BCCIP: variants seen among roughly 807,000 people sequenced by gnomAD.
BCCIP encodes BRCA2 and CDKN1A interacting protein, also known as BRCA2 and CDKN1A-interacting protein.
In BCCIP, 23 loss-of-function variants were observed where a neutral mutation model predicts 32.8. That is an observed-to-expected ratio of 0.70 (90% CI 0.51 to 0.99). The LOEUF (loss-of-function observed/expected upper bound fraction) is 0.99, where lower values mean the gene tolerates loss of function less well. Among genes scored for constraint, BCCIP ranks in the 50% least tolerant of loss-of-function variants. The pLI is 0.00. For missense variants in BCCIP, 378 were observed against 379.8 expected (o/e 1.00, Z 0.04); for synonymous variants, 144 against 137.6 (o/e 1.05, Z -0.33).
chr10:125,823,741 C>T lies in BCCIP; in HGVS notation c.165+19C>T. On this transcript the variant is annotated intron_variant, in intron 1 of 6. Coordinates refer to ENST00000278100, the MANE Select transcript of BCCIP (RefSeq NM_078468.3). Reference sequence around the variant, plus strand: ...TGACGAGGTGAGAAGGACACGCTCCCCTAGTTGGTTTATACCTGAGAAAAA... The same window carrying T: ...TGACGAGGTGAGAAGGACACGCTCCTCTAGTTGGTTTATACCTGAGAAAAA... 1 of 1,613,314 alleles carries T rather than the reference C, an allele frequency of 6.2e-7. No individual in the cohort carries two copies. The highest frequency in any genetic ancestry group is 8.5e-7 in the Non-Finnish European group (1 of 1,179,488).
chr10:125,839,058 G>T, downstream of BCCIP: 1 of 1,614,164 alleles, frequency 6.2e-7, no homozygotes, highest in Non-Finnish European at 8.5e-7. Context: ...TTTCCTTGGA[G>T]CCAAAAGCAG....
downstream of BCCIP, chr10:125,841,060 C>G: frequency 6.5e-7 from 1 of 1,544,216 alleles, no homozygotes. Context: ...GCCTAACATG[C>G]AGAGGGGAGG....
chr10:125,838,316 G>A (rs1355356771), downstream of BCCIP: 1 of 1,613,696 alleles, frequency 6.2e-7, no homozygotes, highest in Non-Finnish European at 8.5e-7. Context: ...AACCAGACAG[G>A]GGATGCAGCT....
chr10:125,843,619 A>T (rs1854939782), downstream of BCCIP, among the ~76,000 whole-genome samples: 1 of 152,132 alleles, frequency 6.6e-6, no homozygotes, highest in Non-Finnish European at 1.5e-5. Flanking sequence ...CTCAAAAAAA[A>T]AAAAACCTAC....
At chr10:125,842,040 A>G (rs978595503) in exon 7 of BCCIP, 3 of 1,350,300 alleles carry the variant, frequency 2.2e-6, no homozygotes, top group Admixed American at 3.3e-5. Context: ...AATGGACAAA[A>G]TATGTGAAAC....
At chr10:125,824,756 C>T (rs1286980783) in intron 1 of BCCIP, among the ~76,000 whole-genome samples, 1 of 84,980 alleles carries the variant, frequency 1.2e-5, no homozygotes, top group African/African-American at 4.1e-5. Context: ...TCTTATAGGT[C>T]TGATCTCAGG....
At chr10:125,833,137 G>GAA (rs1161862135) in intron 5 of BCCIP, among the ~76,000 whole-genome samples, 5 of 111,698 alleles carry the variant, frequency 4.5e-5, no homozygotes, top group African/African-American at 1.3e-4. Context: ...ACGAAAAAAA[G>GAA]AAAAAAAAAA....
rs201945999 is a variant in BCCIP at position 125,823,568 on chromosome 10, G to A, written c.11G>A (p.Arg4Lys). Residue 4 changes from arginine to lysine, a missense_variant, in exon 1 of 7, where the codon AGG becomes AAG. By Grantham distance (26) the Arg-to-Lys change is conservative. Transcript: ENST00000278100. Reference sequence around the variant, plus strand: ...AGTGTGAGCGGCAACATGGCGTCCAGGTCTAAGCGGCGTGCCGTGGAAAGT... The same window carrying A: ...AGTGTGAGCGGCAACATGGCGTCCAAGTCTAAGCGGCGTGCCGTGGAAAGT... MASRSKRRAVESGV... is the reference protein window; with the variant it reads MASKSKRRAVESGV... The A allele has an allele frequency of 6.8e-6, 11 of 1,613,752 alleles. No homozygotes were observed. In the Admixed American group the frequency reaches 1.2e-4, roughly 17 times the overall value.
intron 6 of BCCIP, among the ~76,000 whole-genome samples, chr10:125,835,443 A>ATGTGG (rs1854647988): frequency 6.6e-6 from 1 of 151,278 alleles, no homozygotes; most frequent in East Asian, 2.0e-4. Context: ...GCCAGGCACA[A>ATGTGG]TGGTGGGCAC....
intron 6 of BCCIP, among the ~76,000 whole-genome samples, chr10:125,835,792 T>C (rs1473913347): frequency 6.6e-6 from 1 of 152,056 alleles, no homozygotes; most frequent in South Asian, 2.1e-4. Flanking sequence ...ATTTTACAAG[T>C]CTTAATTTCA....
rs1854583984 is a variant in BCCIP at position 125,833,855 on chromosome 10, A to C, written c.683A>C (p.Glu228Ala). 14 of 1,614,238 alleles carry C rather than the reference A, an allele frequency of 8.7e-6. No individual in the cohort carries two copies. The highest frequency in any genetic ancestry group is 1.2e-5 in the Non-Finnish European group (14 of 1,180,040). The stretch of plus-strand genomic sequence containing the variant: ...CTTCTGATTAGTAAGACATTTGTGG[A>C]AGCAGGAAAAAACAATTCCAAAAAG... Reference protein sequence around the residue: ...FYLLISKTFVEAGKNNSKKKP... With the variant: ...FYLLISKTFVAAGKNNSKKKP... The change falls in exon 6 of 7, where the codon GAA becomes GCA. Residue 228 changes from glutamate (E) to alanine (A), a missense_variant. Physicochemically the swap from Glu to Ala is moderately radical, Grantham distance 107 (BLOSUM62 -1). Coordinates refer to ENST00000278100, the MANE Select transcript of BCCIP (RefSeq NM_078468.3).
chr10:125,852,747 C>A, intron 7 of BCCIP: 1 of 998,666 alleles, frequency 1.0e-6, no homozygotes. Context: ...CCATGAAATG[C>A]ACTGCCACAG....
exon 7 of BCCIP, chr10:125,841,847 A>T (rs137998421): frequency 6.2e-7 from 1 of 1,613,844 alleles, no homozygotes; most frequent in Non-Finnish European, 8.5e-7. Flanking sequence ...CTCTGACATG[A>T]TGATTCCAAA....
rs1317203136 is a variant in BCCIP at position 125,836,410 on chromosome 10, G to C, written c.*136G>C. On this transcript the variant is annotated 3_prime_UTR_variant, in exon 7 of 7. Coordinates refer to ENST00000278100, the MANE Select transcript of BCCIP (RefSeq NM_078468.3). ...GTAGGGTTCTGTCCCATGTGTCTCT[G>C]ACACATTTACAAAATACCAGTTTTT... 2.0e-6 allele frequency: 3 copies of C among 1,477,970 alleles called. No homozygotes were observed. The highest frequency in any genetic ancestry group is 2.7e-6 in the Non-Finnish European group (3 of 1,119,936). 91.6% of individuals were successfully genotyped at this position (1,477,970 alleles called of 1,614,324 possible). A position where few individuals can be genotyped will look rare whatever the true frequency, so the allele number is the denominator to read the frequency against.
Position 125,823,619 on chromosome 10 carries a change from C to T in BCCIP, c.62C>T (p.Pro21Leu). Residue 21 changes from proline to leucine, a missense_variant, in exon 1 of 7, where the codon CCA becomes CTA. Physicochemically the swap from Pro to Leu is moderately conservative, Grantham distance 98 (BLOSUM62 -3). Transcript: ENST00000278100. ...GGGGTTCCGCAGCCGCCGGATCCCC[C>T]AGTCCAGCGCGACGAGGAAGAGGAA... ...ESGVPQPPDP[P>L]VQRDEEEEKE... 3 of 1,614,130 alleles carry T rather than the reference C, an allele frequency of 1.9e-6. No homozygotes were observed. The highest frequency in any genetic ancestry group is 1.1e-5 in the South Asian group (1 of 91,086).
chr10:125,831,839 T>A (rs958641737), intron 5 of BCCIP, among the ~76,000 whole-genome samples: 13 of 152,208 alleles, frequency 8.5e-5, no homozygotes, highest in African/African-American at 3.1e-4. Flanking sequence ...ATTTAAGTGA[T>A]ATATAAGTAG....
At position 125,835,591 on chromosome 10, in the gene BCCIP, C is replaced by A. The variant is rs1392252676; in HGVS notation, c.775-513C>A. ...GAGACTCTGTCTCAAAAAAAAAAAA[C>A]AAACAAACAAAAAAAACAAAACCAT... is the stretch of plus-strand genomic sequence containing the variant. On this transcript the variant is annotated intron_variant, in intron 6 of 6. Transcript: ENST00000278100. Among the ~76,000 whole-genome samples the A allele has an allele frequency of 8.8e-4, 103 of 117,192 alleles. No homozygotes were observed. The South Asian group carries it at 0.014, about 16-fold the overall frequency. 76.9% of individuals were successfully genotyped at this position (117,192 alleles called of 152,430 possible).
At chr10:125,838,474 T>A, downstream of BCCIP, 1 of 1,244,396 alleles carries the variant, frequency 8.0e-7, no homozygotes, top group Non-Finnish European at 1.1e-6. Flanking sequence ...AATACCAAAG[T>A]ATTTTATACG....
chr10:125,823,954 G>T (rs970470615), intron 1 of BCCIP, among the ~76,000 whole-genome samples: 1 of 151,880 alleles, frequency 6.6e-6, no homozygotes. Context: ...CGTCCTCCCC[G>T]AAAAAGCCCG....
Sources: gnomAD v4.1 joint callset for allele counts (sites outside exome capture counted in the v4.1 genomes callset) on GRCh38, gnomAD v4.1.1 for gene constraint, MANE v1.5 for transcripts, NCBI Gene and HGNC (gene_info 2026-07-23, HGNC 2026-07-21) for gene names.